The following MACF1 variants were observed in gnomAD, a reference collection of about 807,000 sequenced individuals.
MACF1 encodes microtubule actin crosslinking factor 1.
A neutral mutation model predicts 854.8 loss-of-function variants in MACF1; 193 were observed. The ratio of observed to expected loss-of-function variants is 0.23; its 90% CI spans 0.20 to 0.25. MACF1 has a LOEUF of 0.25. MACF1 is among the 10% of genes least tolerant of loss of function. The pLI, the probability that MACF1 is intolerant of heterozygous loss-of-function variation, is 1.00. For synonymous variants in MACF1, 3,185 were observed against 3,226.7 expected, an observed-to-expected ratio of 0.99 and a Z score of 0.44; for missense variants, 7,722 against 8,929.1, an observed-to-expected ratio of 0.86 and a Z score of 5.45.
chr1:39,192,665 A>G (rs888460492), intron 2 of MACF1, among the ~76,000 whole-genome samples: 16 of 152,190 alleles, frequency 1.1e-4, no homozygotes, highest in Non-Finnish European at 7.3e-5. Flanking sequence ...TTCTGTGTCT[A>G]TCTATCTTTG....
At chr1:39,265,110 T>G (rs1487659340) in intron 6 of MACF1, among the ~76,000 whole-genome samples, 1 of 152,244 alleles carries the variant, frequency 6.6e-6, no homozygotes, top group Non-Finnish European at 1.5e-5. Context: ...AAATGTTTGT[T>G]AAATACTAGT....
chr1:39,234,576 C>G (rs1167690619), intron 2 of MACF1, among the ~76,000 whole-genome samples: 1 of 92,660 alleles, frequency 1.1e-5, no homozygotes, highest in Non-Finnish European at 2.3e-5. Flanking sequence ...CCGGACGGGG[C>G]GGCTGGCCTG....
At chr1:39,199,802 G>A (rs1343524299), upstream of MACF1, among the ~76,000 whole-genome samples, 1 of 152,136 alleles carries the variant, frequency 6.6e-6, no homozygotes, top group East Asian at 1.9e-4. Flanking sequence ...ACAATGCTCT[G>A]CATCTTTTAA....
intron 1 of MACF1, among the ~76,000 whole-genome samples, chr1:39,216,277 T>C (rs1644576411): frequency 6.6e-6 from 1 of 152,154 alleles, no homozygotes; most frequent in African/African-American, 2.4e-5. Flanking sequence ...TGTTATTATA[T>C]GGTAGTGTGT....
chr1:39,140,626 G>A (rs1285245772), intron 2 of MACF1, among the ~76,000 whole-genome samples: 1 of 152,128 alleles, frequency 6.6e-6, no homozygotes, highest in African/African-American at 2.4e-5. Context: ...CACTTAATAA[G>A]TGCCGGGCAA....
rs1643303494 is a variant in MACF1, at chr1:39,416,199, A to G, written c.15817-6175A>G. ...AGCTTTACCAGTTATTTTGTCAGGT[A>G]GCATTCCATTAAATTAGGATGCATC... On this transcript the variant is annotated intron_variant, in intron 58 of 100. Transcript: ENST00000564288. Among the ~76,000 whole-genome samples, 3 of 152,210 alleles carry G rather than the reference A, an allele frequency of 2.0e-5. No homozygotes were observed. The South Asian group carries it at 6.2e-4, about 32-fold the overall frequency.
chr1:39,419,354 T>C (rs548104731), intron 58 of MACF1, among the ~76,000 whole-genome samples: 7 of 152,328 alleles, frequency 4.6e-5, no homozygotes, highest in Middle Eastern at 3.4e-3. Flanking sequence ...AAAGTTGCAG[T>C]AGCTCTTATT....
Position 39,302,954 on chromosome 1 carries a change from C to T in MACF1, c.2665C>T (p.Leu889=). ...TATTTGCAAAAATGATGAATGTGTG[C>T]TAGAAGATAATTCTCAGCGGACCAA... ...ITICKNDECV[L]EDNSQRTKWK... Residue 889 remains leucine, a synonymous_variant, in exon 23 of 101, where the codon CTA becomes TTA. Coordinates refer to ENST00000564288, the MANE Select transcript of MACF1 (RefSeq NM_001394062.1). 1 of 1,614,064 alleles carries T rather than the reference C, an allele frequency of 6.2e-7. No individual in the cohort carries two copies. The highest frequency in any genetic ancestry group is 1.3e-5 in the African/African-American group (1 of 75,054).
intron 2 of MACF1, among the ~76,000 whole-genome samples, chr1:39,172,067 T>C (rs1310693732): frequency 6.6e-6 from 1 of 152,256 alleles, no homozygotes; most frequent in East Asian, 1.9e-4. Flanking sequence ...CTCTGCCATC[T>C]TTCAGGGGAC....
rs771226645 is a variant in MACF1 at position 39,335,502 on chromosome 1, A to G, written c.8914A>G (p.Lys2972Glu). The G allele has an allele frequency of 6.2e-7, 1 of 1,614,178 alleles. No individual in the cohort carries two copies. The highest frequency in any genetic ancestry group is 8.5e-7 in the Non-Finnish European group (1 of 1,180,020). ...GCAGCAACCAATGAATGCTCGGGTGAAAAGTAAGAGAGAGAAGAGGGAGGT... is the reference window on the plus strand; with the variant it reads ...GCAGCAACCAATGAATGCTCGGGTGGAAAGTAAGAGAGAGAAGAGGGAGGT... Reference protein sequence around the residue: ...VLQQPMNARVKSKREKREVIV... With the variant: ...VLQQPMNARVESKREKREVIV... The change falls in exon 37 of 101, where the codon AAA becomes GAA. Residue 2972 changes from lysine to glutamate, a missense_variant. Around this residue, in one of 15 missense-constraint regions of MACF1, gnomAD observed 854 missense variants for 852.6 expected, o/e 1.00. Transcript: ENST00000564288.
chr1:39,472,534 G>A (rs1433365395), intron 97 of MACF1, among the ~76,000 whole-genome samples: 1 of 152,162 alleles, frequency 6.6e-6, no homozygotes, highest in Non-Finnish European at 1.5e-5. Context: ...TGAAGAAAGA[G>A]CTTTCATTTC....
intron 1 of MACF1, among the ~76,000 whole-genome samples, chr1:39,230,878 CTTG>C (rs1380609550): frequency 6.6e-6 from 1 of 152,114 alleles, no homozygotes; most frequent in Non-Finnish European, 1.5e-5. Context: ...CTTTTTGAAG[CTTG>C]TTGTGAGGGA....
intron 58 of MACF1, chr1:39,411,542 A>T: frequency 1.9e-6 from 3 of 1,613,782 alleles, no homozygotes; most frequent in Non-Finnish European, 1.7e-6. Flanking sequence ...ACAGGTGAGG[A>T]TATTCTCGGT....
intron 2 of MACF1, among the ~76,000 whole-genome samples, chr1:39,140,021 A>G (rs1643303747): frequency 6.6e-6 from 1 of 151,560 alleles, no homozygotes; most frequent in Admixed American, 6.6e-5. Flanking sequence ...TGGTGTAAAC[A>G]TGGCTCACAG....
intron 38 of MACF1, among the ~76,000 whole-genome samples, chr1:39,338,827 C>T (rs1283101523): frequency 6.6e-6 from 1 of 152,136 alleles, no homozygotes; most frequent in Non-Finnish European, 1.5e-5. Context: ...TATGGCCCAG[C>T]TCCATCACCC....
chr1:39,226,437 T>C (rs965307774), intron 1 of MACF1, among the ~76,000 whole-genome samples: 3 of 151,868 alleles, frequency 2.0e-5, no homozygotes, highest in African/African-American at 7.3e-5. Context: ...GCCTCCCAGG[T>C]TGAAGCAGTT....
At chr1:39,249,761 G>A in intron 2 of MACF1, 1 of 298,070 alleles carries the variant, frequency 3.4e-6, no homozygotes, top group East Asian at 7.0e-5. Context: ...AACTTTCTAG[G>A]ACGTTGTTGC....
In MACF1 at chr1:39,485,534, C is replaced by T. The variant is rs569725241; in HGVS notation, c.22412-4C>T. The T allele has an allele frequency of 6.2e-6, 10 of 1,608,590 alleles. No homozygotes were observed. The highest frequency in any genetic ancestry group is 3.4e-5 in the Admixed American group (2 of 59,532). On this transcript the variant is annotated splice_region_variant and splice_polypyrimidine_tract_variant and intron_variant, in intron 100 of 100. Coordinates refer to ENST00000564288, the MANE Select transcript of MACF1 (RefSeq NM_001394062.1). ...AAGTCTGCTGTTTTATTCTTGAATT[C>T]CAGACCCTAAAAAGTCTGCCAGTCG...
chr1:39,187,643 T>C (rs1313757942), intron 2 of MACF1, among the ~76,000 whole-genome samples: 2 of 152,184 alleles, frequency 1.3e-5, no homozygotes, highest in African/African-American at 4.8e-5. Flanking sequence ...CTTATTCTAC[T>C]TTTCATTTGA....
Sources: allele counts gnomAD v4.1 joint callset (sites outside exome capture counted in the v4.1 genomes callset), GRCh38; gene constraint gnomAD v4.1.1; regional missense constraint gnomAD v4.1.1; transcripts MANE v1.5; gene names NCBI Gene and HGNC (gene_info 2026-07-23, HGNC 2026-07-21).